Variants in TSHZ2 observed in about 807,000 individuals in gnomAD.
TSHZ2 encodes teashirt zinc finger homeobox 2.
TSHZ2 carries 21 observed loss-of-function variants against 74.4 expected under a neutral mutation model. The ratio of observed to expected loss-of-function variants is 0.28; its 90% CI spans 0.20 to 0.41. The LOEUF (loss-of-function observed/expected upper bound fraction) is 0.41, where lower values mean the gene tolerates loss of function less well. TSHZ2 is among the 10% of genes least tolerant of loss of function. The probability of loss-of-function intolerance (pLI) is 1.00; values close to 1 mark genes in which losing one functional copy is unlikely to be tolerated. For synonymous variants in TSHZ2, 540 were observed against 515.3 expected (o/e 1.05, Z -0.65); for missense variants, 1,244 against 1,293.5 (o/e 0.96, Z 0.59).
intron 2 of TSHZ2, among the ~76,000 whole-genome samples, chr20:53,405,220 G>A (rs1475876424): frequency 2.0e-5 from 3 of 148,182 alleles, no homozygotes; most frequent in African/African-American, 5.1e-5. Flanking sequence ...TGGCACTCCA[G>A]CCTGGGCAGC....
chr20:53,479,470 G>T (rs759189669), intron 2 of TSHZ2, among the ~76,000 whole-genome samples: 1 of 152,154 alleles, frequency 6.6e-6, no homozygotes, highest in Non-Finnish European at 1.5e-5. Flanking sequence ...AGCAATATGG[G>T]TGGATTGAAT....
chr20:53,407,395 T>C (rs1982891383), intron 2 of TSHZ2, among the ~76,000 whole-genome samples: 1 of 152,192 alleles, frequency 6.6e-6, no homozygotes, highest in African/African-American at 2.4e-5. Context: ...ATGGTATTTC[T>C]CCTTAAAACA....
chr20:53,164,628 AATTTT>A (rs1379225581), intron 1 of TSHZ2, among the ~76,000 whole-genome samples: 3 of 152,084 alleles, frequency 2.0e-5, no homozygotes, highest in Admixed American at 1.3e-4. Flanking sequence ...TTATTTTTTG[AATTTT>A]ATTTTATTTT....
At chr20:53,109,170 A>G (rs896317070) in intron 1 of TSHZ2, among the ~76,000 whole-genome samples, 2 of 152,182 alleles carry the variant, frequency 1.3e-5, no homozygotes, top group African/African-American at 4.8e-5. Flanking sequence ...TCCGTACTTC[A>G]GTTTTCTCAT....
chr20:53,318,735 T>A (rs1198331387), intron 2 of TSHZ2, among the ~76,000 whole-genome samples: 1 of 152,138 alleles, frequency 6.6e-6, no homozygotes, highest in Non-Finnish European at 1.5e-5. Flanking sequence ...AACAAGGAAG[T>A]CAGCAGAGGG....
In TSHZ2 at chr20:53,074,270, T is replaced by C. The variant is rs1278889503; in HGVS notation, c.40+100937T>C. On this transcript the variant is annotated intron_variant, in intron 1 of 2. Transcript: ENST00000371497. This position sits in a 1 kb window ranked among gnomAD's most constrained non-coding sequence, Gnocchi z 5.9. ...ACTTTCTTCTCACAATACCCTGTAT[T>C]GTACTTGGAAATAGAAGTTACCACA... Among the ~76,000 whole-genome samples, 1 of 152,242 alleles carries C rather than the reference T, an allele frequency of 6.6e-6. No individual in the cohort carries two copies. The highest frequency in any genetic ancestry group is 1.5e-5 in the Non-Finnish European group (1 of 68,038).
intron 1 of TSHZ2, among the ~76,000 whole-genome samples, chr20:53,227,938 G>A (rs182703467): frequency 1.4e-3 from 207 of 149,964 alleles, no homozygotes; most frequent in African/African-American, 4.0e-3. Flanking sequence ...GTTTTACCAC[G>A]GTATACTTTA....
intron 2 of TSHZ2, among the ~76,000 whole-genome samples, chr20:53,285,280 A>G (rs548291631): frequency 1.1e-4 from 17 of 152,190 alleles, no homozygotes; most frequent in Non-Finnish European, 2.4e-4. Flanking sequence ...CAGTGTTTGG[A>G]TAGGAGTCTC....
At chr20:53,292,188 CTGTCCACA>C (rs971754259) in intron 2 of TSHZ2, among the ~76,000 whole-genome samples, 3 of 152,096 alleles carry the variant, frequency 2.0e-5, no homozygotes, top group African/African-American at 7.2e-5. Flanking sequence ...GAGCATGATT[CTGTCCACA>C]TGTTTTCTAT....
intron 1 of TSHZ2, among the ~76,000 whole-genome samples, chr20:53,198,545 G>A (rs1988928830): frequency 6.6e-6 from 1 of 152,194 alleles, no homozygotes; most frequent in South Asian, 2.1e-4. Context: ...TGATTCCTGA[G>A]CCAAGTCAAA....
At chr20:53,408,362 T>C (rs1982923850) in intron 2 of TSHZ2, among the ~76,000 whole-genome samples, 1 of 152,218 alleles carries the variant, frequency 6.6e-6, no homozygotes, top group South Asian at 2.1e-4. Flanking sequence ...AGACACAGCA[T>C]CTTTTGTGTG....
chr20:53,446,941 C>T (rs111354541), intron 2 of TSHZ2, among the ~76,000 whole-genome samples: 280 of 152,320 alleles, frequency 1.8e-3, no homozygotes, highest in African/African-American at 6.2e-3. Context: ...TTCCTCCCCT[C>T]TAGGGCTGGA....
At chr20:53,240,694 G>C (rs959059782) in intron 1 of TSHZ2, among the ~76,000 whole-genome samples, 1 of 149,726 alleles carries the variant, frequency 6.7e-6, no homozygotes, top group East Asian at 2.0e-4. Flanking sequence ...CAATAAACTC[G>C]ACTGTGCATT....
intron 1 of TSHZ2, among the ~76,000 whole-genome samples, chr20:53,018,205 C>A (rs777538931): frequency 3.3e-5 from 5 of 152,212 alleles, no homozygotes; most frequent in Admixed American, 6.5e-5. Context: ...CTCAAGACGG[C>A]AGCTAGAAGA....
At chr20:53,209,952 T>C (rs1046632330) in intron 1 of TSHZ2, among the ~76,000 whole-genome samples, 1 of 152,192 alleles carries the variant, frequency 6.6e-6, no homozygotes, top group Non-Finnish European at 1.5e-5. Flanking sequence ...TGGCAACCAC[T>C]TGGGGAAAGG....
intron 2 of TSHZ2, among the ~76,000 whole-genome samples, chr20:53,350,317 C>T (rs73913706): frequency 0.022 from 3,409 of 152,330 alleles, 121 homozygotes; most frequent in African/African-American, 0.078. Context: ...CTCAGTGCAA[C>T]TCTGTTGTGC....
At chr20:53,354,784 T>A (rs1033163269) in intron 2 of TSHZ2, among the ~76,000 whole-genome samples, 1 of 152,248 alleles carries the variant, frequency 6.6e-6, no homozygotes, top group African/African-American at 2.4e-5. Flanking sequence ...GAGTATCATG[T>A]ATGCATTCCC....
At chr20:53,001,216 G>GTGTGTGTGTGTGTA (rs1409092272) in intron 1 of TSHZ2, among the ~76,000 whole-genome samples, 5 of 142,660 alleles carry the variant, frequency 3.5e-5, no homozygotes, top group African/African-American at 1.1e-4. Flanking sequence ...GTGTGTGTGT[G>GTGTGTGTGTGTGTA]TGTGTGTGTG....
intron 1 of TSHZ2, 93 bp from the exon 2 acceptor site, chr20:53,253,406 G>T (rs1177983581): frequency 1.3e-6 from 2 of 1,499,712 alleles, no homozygotes; most frequent in East Asian, 4.6e-5. Context: ...TCACCGTTCA[G>T]TTCGGCATGG....
Sources: gnomAD v4.1 joint callset for allele counts (sites outside exome capture counted in the v4.1 genomes callset) on GRCh38, gnomAD v4.1.1 for gene constraint, Gnocchi (gnomAD v3.1) non-coding constraint, MANE v1.5 for transcripts, NCBI Gene and HGNC (gene_info 2026-07-23, HGNC 2026-07-21) for gene names.